The following UBA5 variants were observed in gnomAD, a reference collection of about 807,000 sequenced individuals.
UBA5 encodes ubiquitin-like modifier-activating enzyme 5.
A neutral mutation model predicts 52.9 loss-of-function variants in UBA5; 28 were observed. The ratio of observed to expected loss-of-function variants is 0.53; its 90% CI spans 0.39 to 0.73. The LOEUF is 0.73. Among genes scored for constraint, UBA5 ranks in the 30% least tolerant of loss-of-function variants. The probability of loss-of-function intolerance (pLI) is 0.00; values close to 1 mark genes in which losing one functional copy is unlikely to be tolerated. For synonymous variants in UBA5, 135 were observed against 162.1 expected (o/e 0.83, Z 1.27); for missense variants, 388 against 492.7 (o/e 0.79, Z 2.01).
At chr3:132,672,325 A>G in intron 8 of UBA5, 148 bp downstream of exon 8, 1 of 892,166 alleles carries the variant, frequency 1.1e-6, no homozygotes, top group Admixed American at 3.4e-5. Flanking sequence ...TGTTTTATAT[A>G]TGTATATGTG....
chr3:132,675,942 T>A lies in UBA5; in HGVS notation c.1131+19T>A, dbSNP rs754124787. The A allele has an allele frequency of 7.0e-6, 10 of 1,432,820 alleles. No homozygotes were observed. The highest frequency in any genetic ancestry group is 1.9e-4 in the Middle Eastern group (1 of 5,398). The allele number at this position is 1,432,820 out of a possible 1,614,324, so 88.8% of individuals were successfully genotyped here. On this transcript the variant is annotated intron_variant, in intron 11 of 11. Transcript: ENST00000356232. ...AAAAAAGGTACTTCAAAAATATGAT[T>A]TACCCATATGTAAATATCATATAAA...
chr3:132,654,888 A>C (rs556958161), intron 1 of UBA5, among the ~76,000 whole-genome samples: 1 of 152,374 alleles, frequency 6.6e-6, no homozygotes, highest in South Asian at 2.1e-4. Context: ...GAGTTAGCAT[A>C]AATAGGCTGA....
At position 132,670,950 on chromosome 3, in the gene UBA5, A is replaced by G. The variant is rs771541090; in HGVS notation, c.495-15A>G. The stretch of plus-strand genomic sequence containing the variant: ...TTGTGTCCTGATGTTTTTCAAACTT[A>G]TTTTCTTTGACTAGTAATGGTGGGT... On this transcript the variant is annotated splice_polypyrimidine_tract_variant and intron_variant, in intron 5 of 11. Coordinates refer to ENST00000356232, the MANE Select transcript of UBA5 (RefSeq NM_024818.6). 11 of 1,607,636 alleles carry G rather than the reference A, an allele frequency of 6.8e-6. No homozygotes were observed. The African/African-American group carries it at 1.5e-4, about 22-fold the overall frequency.
intron 8 of UBA5, among the ~76,000 whole-genome samples, chr3:132,673,635 A>C (rs1045881534): frequency 6.7e-6 from 1 of 150,302 alleles, no homozygotes; most frequent in African/African-American, 2.4e-5. Context: ...GGCGTGAGCC[A>C]CTGTGCCCAG....
Position 132,676,409 on chromosome 3 carries a change from C to T in UBA5, c.1132-34C>T, listed in dbSNP as rs745597098. The T allele has an allele frequency of 1.3e-6, 2 of 1,539,980 alleles. No individual in the cohort carries two copies. The highest frequency in any genetic ancestry group is 2.3e-5 in the South Asian group (2 of 86,694). ...TAAGCATCAAGAATTCTATATGGTT[C>T]TTTTTTCACTGTATTTCCCTTATTT... On this transcript the variant is annotated intron_variant, in intron 11 of 11. Transcript: ENST00000356232. This position sits in a 1 kb window ranked among gnomAD's most constrained non-coding sequence, Gnocchi z 4.1.
rs1276405601 is a variant in UBA5 at position 132,666,161 on chromosome 3, A to G, written c.297+88A>G. 2.7e-6 allele frequency: 3 copies of G among 1,114,744 alleles called. No homozygotes were observed. The South Asian group carries it at 3.9e-5, about 15-fold the overall frequency. The allele number at this position is 1,114,744 out of a possible 1,614,324, so 69.1% of individuals were successfully genotyped here. ...CAAGTTAGGATTTTTTTTCTTTACCAGTGGCTTATTGACTTGCAGTGTATT... is the reference window on the plus strand; with the variant it reads ...CAAGTTAGGATTTTTTTTCTTTACCGGTGGCTTATTGACTTGCAGTGTATT... On this transcript the variant is annotated intron_variant, in intron 3 of 11. Coordinates refer to ENST00000356232, the MANE Select transcript of UBA5 (RefSeq NM_024818.6).
At chr3:132,655,124 A>C (rs1290969001) in intron 1 of UBA5, among the ~76,000 whole-genome samples, 4 of 152,162 alleles carry the variant, frequency 2.6e-5, no homozygotes, top group African/African-American at 9.7e-5. Context: ...CATTGACCAA[A>C]ACGTCATTAT....
intron 4 of UBA5, among the ~76,000 whole-genome samples, chr3:132,669,553 G>A (rs1265488650): frequency 1.3e-5 from 2 of 152,212 alleles, no homozygotes; most frequent in Non-Finnish European, 2.9e-5. Context: ...GCAGGCATGA[G>A]TCACTGTTCC....
Position 132,676,489 on chromosome 3 carries a change from G to C in UBA5, c.1178G>C (p.Ser393Thr). 2.5e-6 allele frequency: 4 copies of C among 1,611,120 alleles called. No individual in the cohort carries two copies. The highest frequency in any genetic ancestry group is 3.4e-6 in the Non-Finnish European group (4 of 1,178,940). Residue 393 changes from serine to threonine, a missense_variant, in exon 12 of 12, where the codon AGC becomes ACC. Coordinates refer to ENST00000356232, the MANE Select transcript of UBA5 (RefSeq NM_024818.6). The surrounding 1 kb of genome is among the most constrained non-coding windows in gnomAD (Gnocchi z 4.1). Reference protein sequence around the residue: ...TELTVEDSGESLEDLMAKMKN... With the variant: ...TELTVEDSGETLEDLMAKMKN... ...TTAACAGTGGAAGATTCTGGTGAAAGCTTGGAAGACCTCATGGCCAAAATG... is the reference window on the plus strand; with the variant it reads ...TTAACAGTGGAAGATTCTGGTGAAACCTTGGAAGACCTCATGGCCAAAATG...
upstream of UBA5, among the ~76,000 whole-genome samples, chr3:132,656,504 T>A (rs1937810910): frequency 6.6e-6 from 1 of 151,870 alleles, no homozygotes; most frequent in Admixed American, 6.6e-5. Context: ...GATTTTTTTT[T>A]TTTTTGAGAC....
At chr3:132,674,971 A>T (rs1419227163) in intron 8 of UBA5, among the ~76,000 whole-genome samples, 1 of 152,154 alleles carries the variant, frequency 6.6e-6, no homozygotes, top group African/African-American at 2.4e-5. Flanking sequence ...AGCTGCCAGC[A>T]TTTTATCTTT....
intron 3 of UBA5, 71 bp downstream of exon 3, chr3:132,666,144 G>T: frequency 7.2e-7 from 1 of 1,394,932 alleles, no homozygotes; most frequent in South Asian, 1.2e-5. Flanking sequence ...TACAAGTTAG[G>T]ATTTTTTTTC....
chr3:132,668,629 A>G (rs1285549866), intron 3 of UBA5, 189 bp from the exon 4 acceptor site: 1 of 382,574 alleles, frequency 2.6e-6, no homozygotes, highest in Non-Finnish European at 4.7e-6. Flanking sequence ...TTTAAAAATA[A>G]GGATAATAGT....
intron 8 of UBA5, among the ~76,000 whole-genome samples, chr3:132,672,407 G>A (rs1938644139): frequency 6.6e-6 from 1 of 151,940 alleles, no homozygotes; most frequent in Non-Finnish European, 1.5e-5. Context: ...TATAATACAT[G>A]TGTGCATATT....
At chr3:132,670,847 G>A (rs1047563392) in intron 5 of UBA5, 118 bp from the exon 6 acceptor site, 5 of 576,216 alleles carry the variant, frequency 8.7e-6, no homozygotes, top group African/African-American at 5.7e-5. Flanking sequence ...TATTTATTAT[G>A]TAATAATTAT....
At position 132,675,641 on chromosome 3, in the gene UBA5, C is replaced by T; in HGVS notation, c.985C>T (p.Gln329Ter). 6.2e-7 allele frequency: 1 copy of T among 1,612,660 alleles called. No homozygotes were observed. Among genetic ancestry groups the T allele is most frequent in the Non-Finnish European group, 8.5e-7 (1 of 1,179,232 alleles). ...VAALPKQEVI[Q>*]EEEEIIHEDN... ...AGCACTGCCTAAACAAGAGGTTATA[C>T]AAGAAGAGGAAGAGATAATCCATGA... The change falls in exon 10 of 12, where the codon CAA (glutamine) becomes TAA (stop). Residue 329 changes from glutamine to a stop codon, truncating the protein, a stop_gained. Transcript: ENST00000356232. LOFTEE classifies it high-confidence loss of function.
At chr3:132,664,796 G>C (rs1248334966) in intron 1 of UBA5, among the ~76,000 whole-genome samples, 1 of 152,116 alleles carries the variant, frequency 6.6e-6, no homozygotes, top group Non-Finnish European at 1.5e-5. Flanking sequence ...TGTATGTGCA[G>C]TAAGTCTAGA....
intron 1 of UBA5, among the ~76,000 whole-genome samples, chr3:132,662,677 A>C (rs1235239656): frequency 6.6e-6 from 1 of 152,214 alleles, no homozygotes; most frequent in Admixed American, 6.5e-5. Context: ...GGATATTAAA[A>C]AACACAAGTA....
chr3:132,672,307 G>T, intron 8 of UBA5, 130 bp downstream of exon 8: 2 of 1,015,730 alleles, frequency 2.0e-6, no homozygotes, highest in Non-Finnish European at 2.7e-6. Context: ...CTTAAATGTA[G>T]TTTTAAATGT....
Sources: gnomAD v4.1 joint callset for allele counts (sites outside exome capture counted in the v4.1 genomes callset) on GRCh38, gnomAD v4.1.1 for gene constraint, Gnocchi (gnomAD v3.1) non-coding constraint, MANE v1.5 for transcripts, NCBI Gene and HGNC (gene_info 2026-07-23, HGNC 2026-07-21) for gene names.